Variants in SMARCA2 observed in about 807,000 individuals in gnomAD.
SMARCA2 encodes the protein SWI/SNF related BAF chromatin remodeling complex subunit ATPase 2.
SMARCA2 carries 61 observed loss-of-function variants against 199.8 expected under a neutral mutation model. The ratio of observed to expected loss-of-function variants is 0.31; its 90% CI spans 0.25 to 0.38. The LOEUF is 0.38. Among genes scored for constraint, SMARCA2 ranks in the 10% least tolerant of loss-of-function variants. The probability of loss-of-function intolerance (pLI) is 1.00; values close to 1 mark genes in which losing one functional copy is unlikely to be tolerated. For missense variants in SMARCA2, 1,344 were observed against 2,012.2 expected, an observed-to-expected ratio of 0.67 and a Z score of 6.35; for synonymous variants, 935 against 732.0, an observed-to-expected ratio of 1.28 and a Z score of -4.48.
Position 2,083,420 on chromosome 9 carries a change from A to T in SMARCA2, c.2415+7A>T. On this transcript the variant is annotated splice_region_variant and intron_variant, in intron 16 of 33. Transcript: ENST00000349721. Reference sequence around the variant, plus strand: ...GGTGAAGATTTCTTACAAGGTTTGGAATGCTGTATTTATATATAAATGTGG... The same window carrying T: ...GGTGAAGATTTCTTACAAGGTTTGGTATGCTGTATTTATATATAAATGTGG... 6.3e-7 allele frequency: 1 copy of T among 1,585,920 alleles called. No individual in the cohort carries two copies. The highest frequency in any genetic ancestry group is 1.1e-5 in the South Asian group (1 of 88,444).
In SMARCA2 at chr9:2,105,783, G is replaced by C. The variant is rs574583974; in HGVS notation, c.3292+1614G>C. Among the ~76,000 whole-genome samples the C allele has an allele frequency of 1.7e-4, 26 of 152,260 alleles. No homozygotes were observed. The South Asian group carries it at 5.2e-3, about 30-fold the overall frequency. On this transcript the variant is annotated intron_variant, in intron 23 of 33. Coordinates refer to ENST00000349721, the MANE Select transcript of SMARCA2 (RefSeq NM_003070.5). ...CTGCTGCTCAAGTGAGGGGCTGTGGGGTTGTGGGGCTGTATTTTCCCCTGA... is the reference window on the plus strand; with the variant it reads ...CTGCTGCTCAAGTGAGGGGCTGTGGCGTTGTGGGGCTGTATTTTCCCCTGA...
At chr9:2,174,740 G>C (rs976330630) in intron 29 of SMARCA2, among the ~76,000 whole-genome samples, 1 of 151,804 alleles carries the variant, frequency 6.6e-6, no homozygotes, top group Non-Finnish European at 1.5e-5. Flanking sequence ...AGGCAAGATG[G>C]TGGAAGCCTG....
rs1370141852 is a variant in SMARCA2 at position 2,119,720 on chromosome 9, G to A, written c.3762+185G>A. On this transcript the variant is annotated intron_variant, in intron 26 of 33. Coordinates refer to ENST00000349721, the MANE Select transcript of SMARCA2 (RefSeq NM_003070.5). The surrounding 1 kb of genome is among the most constrained non-coding windows in gnomAD (Gnocchi z 4.6). ...AGACATATTTTGTTTGGCCCACGCA[G>A]CGTTTTTTAAAATTTCCCATTCATT... Among the ~76,000 whole-genome samples, 2 of 152,156 alleles carry A rather than the reference G, an allele frequency of 1.3e-5. No individual in the cohort carries two copies. The highest frequency in any genetic ancestry group is 4.1e-4 in the South Asian group (2 of 4,824).
chr9:2,143,411 G>C (rs1824559810), intron 27 of SMARCA2, among the ~76,000 whole-genome samples: 1 of 152,208 alleles, frequency 6.6e-6, no homozygotes, highest in Non-Finnish European at 1.5e-5. Context: ...TATTTGAAAT[G>C]AGAGAATGAA....
intron 27 of SMARCA2, among the ~76,000 whole-genome samples, chr9:2,135,881 G>A (rs1364413833): frequency 6.6e-6 from 1 of 150,900 alleles, no homozygotes; most frequent in Non-Finnish European, 1.5e-5. Context: ...TTGCTCTGTC[G>A]CCCAGGTTGG....
rs1823348600 is a variant in SMARCA2, at chr9:2,119,321, A to T, written c.3685-137A>T. 1 of 620,270 alleles carries T rather than the reference A, an allele frequency of 1.6e-6. No individual in the cohort carries two copies. The highest frequency in any genetic ancestry group is 2.9e-5 in the Admixed American group (1 of 34,750). The allele number at this position is 620,270 out of a possible 1,614,324, so 38.4% of individuals were successfully genotyped here. On this transcript the variant is annotated intron_variant, in intron 25 of 33. Transcript: ENST00000349721. This position sits in a 1 kb window ranked among gnomAD's most constrained non-coding sequence, Gnocchi z 4.6. ...AGCTTGTAAAATAGTAACGTCAAGG[A>T]CTAAATCCAGCAACCCCTTCCCTTT...
At chr9:2,137,187 G>C (rs966805552) in intron 27 of SMARCA2, among the ~76,000 whole-genome samples, 1 of 152,192 alleles carries the variant, frequency 6.6e-6, no homozygotes, top group East Asian at 1.9e-4. Flanking sequence ...TAAGGATCTG[G>C]AGTGTGTAAC....
At chr9:2,164,680 G>A (rs181272640) in intron 28 of SMARCA2, among the ~76,000 whole-genome samples, 1 of 152,354 alleles carries the variant, frequency 6.6e-6, no homozygotes, top group African/African-American at 2.4e-5. Context: ...TGCCGTTTCA[G>A]TGGTACTGTT....
intron 2 of SMARCA2, among the ~76,000 whole-genome samples, chr9:2,029,974 C>G (rs1818990516): frequency 1.3e-5 from 2 of 152,222 alleles, no homozygotes; most frequent in Non-Finnish European, 2.9e-5. Context: ...AGAAAGTAAA[C>G]AAGATCCTCT....
intron 4 of SMARCA2, chr9:2,042,826 A>C (rs1001877755): frequency 1.3e-5 from 2 of 152,150 alleles, no homozygotes; most frequent in Non-Finnish European, 2.9e-5. Flanking sequence ...TTTATGGAAG[A>C]GTGGAAAGGA....
intron 24 of SMARCA2, among the ~76,000 whole-genome samples, chr9:2,111,635 GA>G (rs1563775699): frequency 1.3e-5 from 2 of 152,132 alleles, no homozygotes; most frequent in African/African-American, 4.8e-5. Context: ...TGCGAAGACT[GA>G]GTGGCAGTGC....
Position 2,182,171 on chromosome 9 carries a change from C to G in SMARCA2, c.4390C>G (p.Leu1464Val), listed in dbSNP as rs760878072. The change falls in exon 31 of 34, where the codon CTA becomes GTA. Residue 1464 changes from leucine (L) to valine (V), a missense_variant. Physicochemically the swap from Leu to Val is conservative, Grantham distance 32. Transcript: ENST00000349721. Reference protein sequence around the residue: ...ERIRNHKYRSLGDLEKDVMLL... With the variant: ...ERIRNHKYRSVGDLEKDVMLL... ...GATTCGTAATCATAAGTACCGGAGC[C>G]TAGGCGACCTGGAGAAGGATGTCAT... 1 of 1,613,250 alleles carries G rather than the reference C, an allele frequency of 6.2e-7. No homozygotes were observed. The highest frequency in any genetic ancestry group is 2.2e-5 in the East Asian group (1 of 44,884).
intron 2 of SMARCA2, chr9:2,032,435 C>T (rs1024210530): frequency 6.6e-6 from 1 of 152,636 alleles, no homozygotes; most frequent in African/African-American, 2.4e-5. Flanking sequence ...TCAGTATTCA[C>T]CCCCCATTCA....
chr9:2,098,959 A>G (rs77122792), intron 21 of SMARCA2, among the ~76,000 whole-genome samples: 5 of 151,280 alleles, frequency 3.3e-5, no homozygotes, highest in East Asian at 2.0e-4. Context: ...AAAAAAAAAA[A>G]AAAGTCACAG....
At chr9:2,079,230 C>T (rs1040557633) in intron 14 of SMARCA2, among the ~76,000 whole-genome samples, 2 of 152,210 alleles carry the variant, frequency 1.3e-5, no homozygotes, top group African/African-American at 4.8e-5. Context: ...CATCAGCATC[C>T]TGCAGTAAAA....
Position 2,056,963 on chromosome 9 carries a change from A to G in SMARCA2, c.1347+118A>G, listed in dbSNP as rs976360345. ...TTGTGGGTGGTGGGGACATCACAGAACAGAACGGTTCCTTGACATGTACAT... is the reference window on the plus strand; with the variant it reads ...TTGTGGGTGGTGGGGACATCACAGAGCAGAACGGTTCCTTGACATGTACAT... On this transcript the variant is annotated intron_variant, in intron 7 of 33. Transcript: ENST00000349721. This position sits in a 1 kb window ranked among gnomAD's most constrained non-coding sequence, Gnocchi z 4.0. 1.2e-5 allele frequency: 10 copies of G among 826,648 alleles called. No homozygotes were observed. The highest frequency in any genetic ancestry group is 1.9e-5 in the Non-Finnish European group (10 of 530,864). 51.2% of individuals were successfully genotyped at this position (826,648 alleles called of 1,614,324 possible).
chr9:2,119,646 A>C lies in SMARCA2; in HGVS notation c.3762+111A>C, dbSNP rs1397931760. On this transcript the variant is annotated intron_variant, in intron 26 of 33. Coordinates refer to ENST00000349721, the MANE Select transcript of SMARCA2 (RefSeq NM_003070.5). This position sits in a 1 kb window ranked among gnomAD's most constrained non-coding sequence, Gnocchi z 4.6. ...TGGCAGAACTTCATACGTAAAGCCT[A>C]TGCCTTTCCTTCAGTTCAGAGGCTG... 2 of 716,264 alleles carry C rather than the reference A, an allele frequency of 2.8e-6. No individual in the cohort carries two copies. Among genetic ancestry groups the C allele is most frequent in the East Asian group, 5.4e-5 (2 of 36,698 alleles). 44.4% of individuals were successfully genotyped at this position (716,264 alleles called of 1,614,324 possible).
intron 27 of SMARCA2, among the ~76,000 whole-genome samples, chr9:2,131,704 G>A (rs914057686): frequency 9.9e-5 from 15 of 152,132 alleles, no homozygotes; most frequent in Non-Finnish European, 1.5e-4. Flanking sequence ...AATGAGGCCG[G>A]GTGCGGTGGC....
At chr9:2,051,029 G>A (rs1820096124) in intron 5 of SMARCA2, among the ~76,000 whole-genome samples, 1 of 152,212 alleles carries the variant, frequency 6.6e-6, no homozygotes. Flanking sequence ...GTTTGGGGAA[G>A]TTTAGAATCC....
Sources: allele counts gnomAD v4.1 joint callset (sites outside exome capture counted in the v4.1 genomes callset), GRCh38; gene constraint gnomAD v4.1.1; non-coding constraint Gnocchi (gnomAD v3.1); transcripts MANE v1.5; gene names NCBI Gene and HGNC (gene_info 2026-07-23, HGNC 2026-07-21).